PLVAP: variants seen among roughly 807,000 people sequenced by gnomAD.
The protein encoded by PLVAP is plasmalemma vesicle associated protein.
PLVAP carries 34 observed loss-of-function variants against 43.1 expected under a neutral mutation model. That is an observed-to-expected ratio of 0.79 (90% confidence interval 0.60 to 1.05). The LOEUF (loss-of-function observed/expected upper bound fraction) is 1.05, where lower values mean the gene tolerates loss of function less well. PLVAP is among the 50% of genes least tolerant of loss of function. The probability of loss-of-function intolerance (pLI) is 0.00; values close to 1 mark genes in which losing one functional copy is unlikely to be tolerated. For synonymous variants in PLVAP, 241 were observed against 237.3 expected (o/e 1.02, Z -0.14); for missense variants, 574 against 593.4 (o/e 0.97, Z 0.34).
At chr19:17,374,448 G>T (rs994797059) in intron 1 of PLVAP, among the ~76,000 whole-genome samples, 1 of 152,134 alleles carries the variant, frequency 6.6e-6, no homozygotes, top group African/African-American at 2.4e-5. Context: ...CTGGGTGAAA[G>T]AGTGAGACTC....
chr19:17,355,925 C>T (rs1207047092), intron 5 of PLVAP, among the ~76,000 whole-genome samples: 2 of 152,106 alleles, frequency 1.3e-5, no homozygotes, highest in African/African-American at 4.8e-5. Context: ...TTTGTTTTTG[C>T]TCTGCCTCAT....
At position 17,353,900 on chromosome 19, in the gene PLVAP, G is replaced by A. The variant is rs183753221; in HGVS notation, c.1323-1532C>T. The stretch of plus-strand genomic sequence containing the variant: ...TTACCAGCAGCTGCTCAATAAATAC[G>A]GCTCGAATGGACACACGAATCATCA... On this transcript the variant is annotated intron_variant, in intron 5 of 5. Coordinates refer to ENST00000252590, the MANE Select transcript of PLVAP (RefSeq NM_031310.3). 4.5e-3 allele frequency among the ~76,000 whole-genome samples: 672 copies of A among 149,080 alleles called. 6 individuals carry two copies. Among genetic ancestry groups the A allele is most frequent in the African/African-American group, 0.015 (602 of 40,568 alleles).
intron 3 of PLVAP, 186 bp from the exon 4 acceptor site, chr19:17,361,018 G>A (rs139790303): frequency 2.4e-5 from 14 of 577,860 alleles, no homozygotes; most frequent in East Asian, 2.4e-4. Context: ...AGGTTCAAGC[G>A]ATTCTCCTGC....
Position 17,377,256 on chromosome 19 carries a change from G to T in PLVAP, c.33C>A (p.Tyr11Ter). ...CCCGAGAGCTGCCCCCCGCCCGAGC[G>T]TAGGACCCTCCGTGCTCCATGGCCA... MGLAMEHGGS[Y>*]ARAGGSSRGC... The change falls in exon 1 of 6, where the codon TAC becomes TAA. Residue 11 changes from tyrosine to a stop codon, truncating the protein, a stop_gained. Transcript: ENST00000252590. LOFTEE classifies it high-confidence loss of function. 1 of 1,613,696 alleles carries T rather than the reference G, an allele frequency of 6.2e-7. No individual in the cohort carries two copies. Among genetic ancestry groups the T allele is most frequent in the South Asian group, 1.1e-5 (1 of 91,028 alleles).
intron 5 of PLVAP, among the ~76,000 whole-genome samples, chr19:17,353,884 G>A (rs995269155): frequency 2.0e-5 from 3 of 152,114 alleles, no homozygotes; most frequent in African/African-American, 7.2e-5. Context: ...GTTACCAGCA[G>A]CTGCTCAATA....
intron 1 of PLVAP, among the ~76,000 whole-genome samples, chr19:17,367,016 C>T (rs1264382029): frequency 6.7e-6 from 1 of 149,430 alleles, no homozygotes; most frequent in Admixed American, 6.8e-5. Flanking sequence ...GATCTCAGCT[C>T]ACTGCAACCT....
At chr19:17,370,001 T>TAAAA (rs763532839) in intron 1 of PLVAP, among the ~76,000 whole-genome samples, 117 of 88,346 alleles carry the variant, frequency 1.3e-3, no homozygotes, top group Non-Finnish European at 1.8e-3. Flanking sequence ...AGAGTCTGTC[T>TAAAA]AAAAAAAAAA....
Position 17,377,228 on chromosome 19 carries a change from A to C in PLVAP, c.61T>G (p.Cys21Gly). The change falls in exon 1 of 6, where the codon TGC becomes GGC. Residue 21 changes from cysteine to glycine, a missense_variant. Physicochemically the swap from Cys to Gly is radical, Grantham distance 159. Coordinates refer to ENST00000252590, the MANE Select transcript of PLVAP (RefSeq NM_031310.3). ...YARAGGSSRGCWYYLRYFFLF... is the reference protein window; with the variant it reads ...YARAGGSSRGGWYYLRYFFLF... ...AAGAAGTAGCGCAGGTAATACCAGC[A>C]GCCCCGAGAGCTGCCCCCCGCCCGA... 1 of 1,614,120 alleles carries C rather than the reference A, an allele frequency of 6.2e-7. No individual in the cohort carries two copies. Among genetic ancestry groups the C allele is most frequent in the Non-Finnish European group, 8.5e-7 (1 of 1,179,994 alleles).
intron 5 of PLVAP, among the ~76,000 whole-genome samples, chr19:17,358,267 GAAAA>G (rs71336606): frequency 2.3e-5 from 3 of 128,570 alleles, no homozygotes; most frequent in Non-Finnish European, 3.2e-5. Flanking sequence ...ATGCAAGAAG[GAAAA>G]AAAAAAAAAA....
In PLVAP at chr19:17,352,322, C is replaced by G. The variant is rs780456168; in HGVS notation, c.*40G>C. The G allele has an allele frequency of 5.0e-6, 8 of 1,612,630 alleles. No individual in the cohort carries two copies. The highest frequency in any genetic ancestry group is 6.8e-6 in the Non-Finnish European group (8 of 1,179,024). On this transcript the variant is annotated 3_prime_UTR_variant, in exon 6 of 6. Transcript: ENST00000252590. ...TATCCCTGCATCCTCCGCAAACCGC[C>G]GAGTCGGGCCATCCCTTGGTCCTCA...
intron 1 of PLVAP, among the ~76,000 whole-genome samples, chr19:17,368,463 C>T (rs1298452996): frequency 1.3e-5 from 2 of 151,996 alleles, no homozygotes; most frequent in African/African-American, 4.8e-5. Flanking sequence ...TCGCCCCCCT[C>T]GGCCTCCCAA....
At chr19:17,372,581 C>T (rs1271766532) in intron 1 of PLVAP, among the ~76,000 whole-genome samples, 3 of 149,314 alleles carry the variant, frequency 2.0e-5, no homozygotes, top group Admixed American at 6.6e-5. Context: ...CTCAGCCTCC[C>T]GAGTAGCTGG....
At chr19:17,376,894 G>C (rs761179007) in intron 1 of PLVAP, 26 bp downstream of exon 1, 2 of 1,594,656 alleles carry the variant, frequency 1.3e-6, no homozygotes, top group African/African-American at 2.7e-5. Context: ...GGGTCCCCAG[G>C]GCGAGTGTCC....
chr19:17,376,855 A>AGGCTCAGAGAGGTGAGGGGGCT (rs2074597271), intron 1 of PLVAP, 65 bp downstream of exon 1: 1 of 1,454,736 alleles, frequency 6.9e-7, no homozygotes, highest in Non-Finnish European at 9.3e-7. Context: ...GAGGAAACTC[A>AGGCTCAGAGAGGTGAGGGGGCT]GGCTCAGAGA....
At chr19:17,364,941 T>G (rs751316143) in intron 3 of PLVAP, among the ~76,000 whole-genome samples, 19 of 151,776 alleles carry the variant, frequency 1.3e-4, no homozygotes, top group Admixed American at 3.9e-4. Context: ...CCCGGCTAAT[T>G]TTTGTATTTT....
intron 5 of PLVAP, among the ~76,000 whole-genome samples, chr19:17,353,522 C>T (rs2074494169): frequency 6.6e-6 from 1 of 152,152 alleles, no homozygotes; most frequent in South Asian, 2.1e-4. Flanking sequence ...CACTCCACTC[C>T]AGCCACACCG....
chr19:17,376,788 ACT>A (rs2074596880), intron 1 of PLVAP, 130 bp downstream of exon 1: 2 of 946,818 alleles, frequency 2.1e-6, no homozygotes, highest in Admixed American at 5.5e-5. Flanking sequence ...ACGGAGCGAG[ACT>A]CTGTCTCATA....
intron 1 of PLVAP, among the ~76,000 whole-genome samples, chr19:17,373,841 C>T (rs1164787209): frequency 6.6e-6 from 1 of 152,124 alleles, no homozygotes; most frequent in East Asian, 1.9e-4. Context: ...CCTCTCATGC[C>T]TTCACTTTCC....
intron 1 of PLVAP, among the ~76,000 whole-genome samples, chr19:17,371,056 A>AAAACAAACAAAC (rs34713686): frequency 6.6e-6 from 1 of 151,066 alleles, no homozygotes; most frequent in East Asian, 2.0e-4. Flanking sequence ...ACTCCATCTC[A>AAAACAAACAAAC]AAACAAACAA....
Sources: allele counts gnomAD v4.1 joint callset (sites outside exome capture counted in the v4.1 genomes callset), GRCh38; gene constraint gnomAD v4.1.1; transcripts MANE v1.5; gene names NCBI Gene and HGNC (gene_info 2026-07-23, HGNC 2026-07-21).